Variants in FAM193A observed in about 807,000 individuals in gnomAD.
FAM193A encodes protein FAM193A.
In FAM193A, 22 loss-of-function variants were observed where a neutral mutation model predicts 126.5. The observed-to-expected ratio is 0.17, with a 90% CI of 0.12 to 0.25. The LOEUF is 0.25. FAM193A is among the 10% of genes least tolerant of loss of function. FAM193A has a pLI of 1.00. For synonymous variants in FAM193A, 761 were observed against 646.8 expected (o/e 1.18, Z -2.68); for missense variants, 1,675 against 1,672.8 (o/e 1.00, Z -0.02).
chr4:2,695,215 C>CGGGGTATATTCCACTTCT (rs2109288425), intron 17 of FAM193A, 86 bp downstream of exon 17: 1 of 1,168,170 alleles, frequency 8.6e-7, no homozygotes, highest in Non-Finnish European at 1.2e-6. Flanking sequence ...AGGTTGAATT[C>CGGGGTATATTCCACTTCT]GGGGTATATT....
At position 2,700,051 on chromosome 4, in the gene FAM193A, T is replaced by C. The variant is rs2109309068; in HGVS notation, c.3879T>C (p.Asp1293=). The stretch of plus-strand genomic sequence containing the variant: ...AGCCCAGGCCAGGGCTAGGGGCTGA[T>C]GGGGATGCTGCAGACCCCGTCGACA... The part of the protein sequence containing the change: ...HSEPRPGLGA[D]GDAADPVDTR... The change falls in exon 19 of 21, where the codon GAT becomes GAC. Residue 1293 remains aspartate (D), a synonymous_variant. Coordinates refer to ENST00000637812, the MANE Select transcript of FAM193A (RefSeq NM_001366318.2). 3 of 1,613,836 alleles carry C rather than the reference T, an allele frequency of 1.9e-6. No homozygotes were observed. Among genetic ancestry groups the C allele is most frequent in the South Asian group, 2.2e-5 (2 of 91,064 alleles).
chr4:2,667,350 C>T (rs1713237460), intron 12 of FAM193A, among the ~76,000 whole-genome samples: 1 of 152,182 alleles, frequency 6.6e-6, no homozygotes, highest in Non-Finnish European at 1.5e-5. Context: ...GGCACAGATA[C>T]TCAGATCATA....
chr4:2,611,223 G>A (rs1560480272), intron 2 of FAM193A, among the ~76,000 whole-genome samples: 1 of 152,056 alleles, frequency 6.6e-6, no homozygotes, highest in Non-Finnish European at 1.5e-5. Context: ...CTAGTGGTTT[G>A]TAGTGTTATC....
intron 4 of FAM193A, among the ~76,000 whole-genome samples, 181 bp downstream of exon 4, chr4:2,626,758 C>G (rs1290378737): frequency 6.6e-6 from 1 of 152,162 alleles, no homozygotes; most frequent in Non-Finnish European, 1.5e-5. Context: ...GGTCAAACGT[C>G]TTGAATTTTT....
chr4:2,586,258 T>A (rs866493067), intron 1 of FAM193A, among the ~76,000 whole-genome samples: 5 of 151,036 alleles, frequency 3.3e-5, no homozygotes, highest in Admixed American at 1.3e-4. Flanking sequence ...AAAAAAAATA[T>A]ATATATATAT....
chr4:2,550,776 TTTATTTATTTA>T (rs1560436200), intron 1 of FAM193A, among the ~76,000 whole-genome samples: 28 of 3,294 alleles, frequency 8.5e-3, no homozygotes, highest in East Asian at 0.017. Context: ...TATATTTTTA[TTTATTTATTTA>T]TTTATTTATT....
intron 2 of FAM193A, among the ~76,000 whole-genome samples, chr4:2,605,919 T>C: frequency 8.8e-6 from 1 of 113,830 alleles, no homozygotes; most frequent in Non-Finnish European, 1.6e-5. Context: ...TGCAGTGAGC[T>C]GAGATTGCAC....
chr4:2,559,428 T>C (rs2108836445), intron 1 of FAM193A, among the ~76,000 whole-genome samples: 1 of 152,310 alleles, frequency 6.6e-6, no homozygotes, highest in Non-Finnish European at 1.5e-5. Context: ...TGCTATTCTT[T>C]TTAAATTTTT....
At chr4:2,622,637 T>C (rs997969476) in intron 2 of FAM193A, among the ~76,000 whole-genome samples, 1 of 152,152 alleles carries the variant, frequency 6.6e-6, no homozygotes, top group Non-Finnish European at 1.5e-5. Context: ...TCTTATAGTC[T>C]GGAGGGCTGG....
rs1560632767 is a variant in FAM193A, at chr4:2,731,876, C to T, written c.*8C>T. ...ACCTTTGCTGCCCACTGAATGAGGA[C>T]TCCCTGGAGAGGGACACGCGAGAGG... On this transcript the variant is annotated 3_prime_UTR_variant, in exon 21 of 21. Coordinates refer to ENST00000637812, the MANE Select transcript of FAM193A (RefSeq NM_001366318.2). 1 of 1,605,704 alleles carries T rather than the reference C, an allele frequency of 6.2e-7. No individual in the cohort carries two copies. The highest frequency in any genetic ancestry group is 2.2e-5 in the East Asian group (1 of 44,838).
intron 6 of FAM193A, among the ~76,000 whole-genome samples, chr4:2,641,384 T>C (rs754417337): frequency 6.6e-6 from 1 of 151,870 alleles, no homozygotes; most frequent in Non-Finnish European, 1.5e-5. Context: ...TTAGGACTGG[T>C]ACGGTGGCTC....
rs1338736804 is a variant in FAM193A, at chr4:2,699,756, G to A, written c.3584G>A (p.Arg1195Gln). 3.1e-5 allele frequency: 50 copies of A among 1,613,700 alleles called. No individual in the cohort carries two copies. The highest frequency in any genetic ancestry group is 3.7e-5 in the Non-Finnish European group (44 of 1,179,898). Reference protein sequence around the residue: ...HLHLQEEQRRREEEEDEEEEE... With the variant: ...HLHLQEEQRRQEEEEDEEEEE... ...CACCTCCAGGAGGAGCAGAGGCGGC[G>A]GGAGGAGGAGGAGGATGAGGAAGAA... The change falls in exon 19 of 21, where the codon CGG becomes CAG. Residue 1195 changes from arginine to glutamine, a missense_variant. Physicochemically the swap from Arg to Gln is conservative, Grantham distance 43. Transcript: ENST00000637812.
At position 2,716,005 on chromosome 4, in the gene FAM193A, T is replaced by C. The variant is rs1257048308; in HGVS notation, c.4373-18T>C. 1 of 1,443,180 alleles carries C rather than the reference T, an allele frequency of 6.9e-7. No homozygotes were observed. The highest frequency in any genetic ancestry group is 9.8e-7 in the Non-Finnish European group (1 of 1,023,876). The allele number at this position is 1,443,180 out of a possible 1,614,324, so 89.4% of individuals were successfully genotyped here. A position where few individuals can be genotyped will look rare whatever the true frequency, so the allele number is the denominator to read the frequency against. On this transcript the variant is annotated intron_variant, in intron 19 of 20. Coordinates refer to ENST00000637812, the MANE Select transcript of FAM193A (RefSeq NM_001366318.2). ...CTGCTGCTGTAATTTGACTTGCTGC[T>C]TCTCTTTTGTTTTACAGATGATGTC...
chr4:2,695,659 G>A (rs1314846396), intron 17 of FAM193A, among the ~76,000 whole-genome samples: 1 of 152,170 alleles, frequency 6.6e-6, no homozygotes, highest in Admixed American at 6.5e-5. Flanking sequence ...TTTATAGCAA[G>A]AAATTTGGCA....
intron 2 of FAM193A, among the ~76,000 whole-genome samples, chr4:2,617,270 T>A (rs1323119577): frequency 2.5e-5 from 1 of 40,494 alleles, no homozygotes; most frequent in South Asian, 7.8e-4. Context: ...ATATTTTTTT[T>A]TTTTTTTTTT....
intron 1 of FAM193A, among the ~76,000 whole-genome samples, chr4:2,577,411 G>GTTTT (rs67407606): frequency 2.6e-4 from 26 of 101,862 alleles, no homozygotes; most frequent in Non-Finnish European, 4.5e-4. Context: ...AATTAAAGTG[G>GTTTT]TTTTTTTTTT....
intron 5 of FAM193A, 150 bp from the exon 6 acceptor site, chr4:2,639,585 C>G: frequency 2.0e-6 from 1 of 506,504 alleles, no homozygotes; most frequent in Non-Finnish European, 3.4e-6. Flanking sequence ...GGGAGCAGCA[C>G]TTCTCATAAG....
At chr4:2,555,742 G>A (rs562257371) in intron 1 of FAM193A, among the ~76,000 whole-genome samples, 33 of 150,988 alleles carry the variant, frequency 2.2e-4, no homozygotes, top group Admixed American at 5.9e-4. Context: ...CTCAGCCTCC[G>A]GAGTAGCTGG....
At chr4:2,727,686 C>A (rs533823017) in intron 20 of FAM193A, among the ~76,000 whole-genome samples, 1 of 152,208 alleles carries the variant, frequency 6.6e-6, no homozygotes, top group East Asian at 1.9e-4. Context: ...GAGCTGAAGA[C>A]AGAGTGCAGG....
Sources: gnomAD v4.1 joint callset for allele counts (sites outside exome capture counted in the v4.1 genomes callset) on GRCh38, gnomAD v4.1.1 for gene constraint, MANE v1.5 for transcripts, NCBI Gene and HGNC (gene_info 2026-07-23, HGNC 2026-07-21) for gene names.